CLPTM1L: variants seen among roughly 807,000 people sequenced by gnomAD.
CLPTM1L encodes the protein CLPTM1 like.
CLPTM1L carries 38 observed loss-of-function variants against 70.9 expected under a neutral mutation model. The ratio of observed to expected loss-of-function variants is 0.54; its 90% CI spans 0.41 to 0.70. The LOEUF is 0.70. CLPTM1L is among the 30% of genes least tolerant of loss of function. CLPTM1L has a pLI of 0.00. For missense variants in CLPTM1L, 652 were observed against 705.9 expected (o/e 0.92, Z 0.87); for synonymous variants, 339 against 299.9 (o/e 1.13, Z -1.35).
Position 1,318,374 on chromosome 5 carries a change from C to A in CLPTM1L, c.1612G>T (p.Asp538Tyr), listed in dbSNP as rs1268410430. The part of the protein sequence containing the change: ...EEKATRAPHT[D>Y] ...GGCGGCAGCCCGGGCGGCCTTCAGT[C>A]CGTGTGGGGCGCCCGCGTGGCCTTC... The change falls in exon 17 of 17, where the codon GAC becomes TAC. Residue 538 changes from aspartate to tyrosine, a missense_variant. This residue lies in a region of CLPTM1L where 240 missense variants were observed against 295.0 expected (regional missense o/e 0.81). Transcript: ENST00000320895. The surrounding 1 kb of genome is among the most constrained non-coding windows in gnomAD (Gnocchi z 8.9). 4 of 1,613,444 alleles carry A rather than the reference C, an allele frequency of 2.5e-6. No homozygotes were observed. The Admixed American group carries it at 6.7e-5, about 27-fold the overall frequency.
At chr5:1,334,722 C>T (rs1753446109) in intron 6 of CLPTM1L, among the ~76,000 whole-genome samples, 1 of 152,110 alleles carries the variant, frequency 6.6e-6, no homozygotes, top group Non-Finnish European at 1.5e-5. Flanking sequence ...CCACTGCACT[C>T]CAGCCTGGGC....
rs1214004608 is a variant in CLPTM1L at position 1,317,970 on chromosome 5, T to C, written c.*399A>G. On this transcript the variant is annotated 3_prime_UTR_variant, in exon 17 of 17. Transcript: ENST00000320895. Reference sequence around the variant, plus strand: ...AAAGAGCCTTTGATCCCAGAGTCCATGCGGAATGAATTCCATACGTGTTTG... The same window carrying C: ...AAAGAGCCTTTGATCCCAGAGTCCACGCGGAATGAATTCCATACGTGTTTG... 5.4e-6 allele frequency: 1 copy of C among 185,630 alleles called. No individual in the cohort carries two copies. The highest frequency in any genetic ancestry group is 1.1e-5 in the Non-Finnish European group (1 of 90,702). 11.5% of individuals were successfully genotyped at this position (185,630 alleles called of 1,614,324 possible).
At chr5:1,338,082 C>T (rs778958082) in intron 4 of CLPTM1L, 100 bp from the exon 5 acceptor site, 28 of 906,282 alleles carry the variant, frequency 3.1e-5, no homozygotes, top group Non-Finnish European at 4.5e-5. Context: ...GAAGTGCCCC[C>T]AGCACCACCC....
intron 7 of CLPTM1L, among the ~76,000 whole-genome samples, chr5:1,333,695 C>CA (rs1753337415): frequency 8.5e-5 from 3 of 35,194 alleles, no homozygotes; most frequent in South Asian, 6.1e-4. Flanking sequence ...GTAGACACAC[C>CA]GCAAGAGGAT....
At position 1,341,857 on chromosome 5, in the gene CLPTM1L, T is replaced by G; in HGVS notation, c.267A>C (p.Thr89=). The G allele has an allele frequency of 6.2e-7, 1 of 1,611,382 alleles. No individual in the cohort carries two copies. The highest frequency in any genetic ancestry group is 2.2e-5 in the East Asian group (1 of 44,822). The part of the protein sequence containing the change: ...DFDVESKFER[T]VNVSVPKKTR... ...TTTTCTTTGGTACAGAAACATTAAC[T>G]GTCCTGAAACAGAACAATCATTTCC... is the stretch of plus-strand genomic sequence containing the variant. Residue 89 remains threonine (T), a synonymous_variant, in exon 3 of 17, where the codon ACA becomes ACC. Coordinates refer to ENST00000320895, the MANE Select transcript of CLPTM1L (RefSeq NM_030782.5).
At chr5:1,327,164 G>A (rs1434464715) in intron 9 of CLPTM1L, among the ~76,000 whole-genome samples, 3 of 149,460 alleles carry the variant, frequency 2.0e-5, no homozygotes, top group Non-Finnish European at 4.4e-5. Flanking sequence ...CTCCTCTACA[G>A]GCACATTCCA....
At chr5:1,323,761 C>T (rs1205800899) in intron 12 of CLPTM1L, 26 bp downstream of exon 12, 2 of 1,585,646 alleles carry the variant, frequency 1.3e-6, no homozygotes, top group African/African-American at 2.7e-5. Context: ...AAAGACGCAG[C>T]AGGGGAAGCG....
At chr5:1,331,722 A>G in intron 8 of CLPTM1L, 77 bp downstream of exon 8, 1 of 1,245,188 alleles carries the variant, frequency 8.0e-7, no homozygotes, top group Non-Finnish European at 1.2e-6. Flanking sequence ...GCAGTGAGGC[A>G]GGCAGCCCTC....
chr5:1,325,889 G>GT (rs1188716336), intron 9 of CLPTM1L, 73 bp from the exon 10 acceptor site: 1 of 1,308,052 alleles, frequency 7.6e-7, no homozygotes, highest in African/African-American at 1.5e-5. Flanking sequence ...GACCCAGACA[G>GT]TAACGGGTAG....
At chr5:1,333,725 C>T (rs1329468028) in intron 7 of CLPTM1L, among the ~76,000 whole-genome samples, 1 of 146,064 alleles carries the variant, frequency 6.8e-6, no homozygotes, top group South Asian at 2.1e-4. Context: ...CTACTGTATA[C>T]ACACCGGATG....
chr5:1,338,774 G>C, intron 4 of CLPTM1L, 86 bp downstream of exon 4: 4 of 1,530,052 alleles, frequency 2.6e-6, no homozygotes, highest in Non-Finnish European at 3.6e-6. Context: ...GGACTCCACG[G>C]TGCAGGAGTG....
chr5:1,333,577 G>T (rs1467905775), intron 7 of CLPTM1L, among the ~76,000 whole-genome samples: 1 of 23,534 alleles, frequency 4.2e-5, no homozygotes, highest in Non-Finnish European at 7.8e-5. Flanking sequence ...GATAAGGGGA[G>T]ACTACTGTAT....
At chr5:1,335,520 A>G (rs1167388338) in intron 5 of CLPTM1L, among the ~76,000 whole-genome samples, 2 of 152,226 alleles carry the variant, frequency 1.3e-5, no homozygotes, top group Non-Finnish European at 2.9e-5. Context: ...CTAGGACTCC[A>G]TGGCGCAGCA....
At chr5:1,344,512 C>T in intron 1 of CLPTM1L, 61 bp from the exon 2 acceptor site, 1 of 1,529,636 alleles carries the variant, frequency 6.5e-7, no homozygotes, top group Non-Finnish European at 9.0e-7. Context: ...GCACTCAAAT[C>T]CCACGGCCAG....
rs1359682619 is a variant in CLPTM1L at position 1,322,869 on chromosome 5, G to T, written c.1315+8C>A. On this transcript the variant is annotated splice_region_variant and intron_variant, in intron 13 of 16. Transcript: ENST00000320895. Reference sequence around the variant, plus strand: ...CTAGTACTGAAGCAGGGAAGCACATGGACTCACCGTTGACGAAGCTGTTGA... The same window carrying T: ...CTAGTACTGAAGCAGGGAAGCACATTGACTCACCGTTGACGAAGCTGTTGA... 2 of 1,613,628 alleles carry T rather than the reference G, an allele frequency of 1.2e-6. No homozygotes were observed.
chr5:1,343,445 G>A (rs1754074072), intron 2 of CLPTM1L, among the ~76,000 whole-genome samples: 1 of 152,222 alleles, frequency 6.6e-6, no homozygotes, highest in South Asian at 2.1e-4. Context: ...AACCTCACTA[G>A]CTGTCCTTGG....
At chr5:1,328,445 A>C (rs1284550559) in intron 9 of CLPTM1L, among the ~76,000 whole-genome samples, 1 of 148,072 alleles carries the variant, frequency 6.8e-6, no homozygotes, top group East Asian at 2.0e-4. Flanking sequence ...CTCTACAGAC[A>C]CATTTCATCC....
rs1751932082 is a variant in CLPTM1L at position 1,318,058 on chromosome 5, G to A, written c.*311C>T. 2.2e-5 allele frequency: 8 copies of A among 366,740 alleles called. No individual in the cohort carries two copies. Among genetic ancestry groups the A allele is most frequent in the Non-Finnish European group, 3.9e-5 (8 of 204,726 alleles). The allele number at this position is 366,740 out of a possible 1,614,324, so 22.7% of individuals were successfully genotyped here. ...TGGAAATCCAACAGCCCCCTTGCCTGTGAGGGCTCCCACCCCTGCCCGCGT... is the reference window on the plus strand; with the variant it reads ...TGGAAATCCAACAGCCCCCTTGCCTATGAGGGCTCCCACCCCTGCCCGCGT... On this transcript the variant is annotated 3_prime_UTR_variant, in exon 17 of 17. Transcript: ENST00000320895. The surrounding 1 kb of genome is among the most constrained non-coding windows in gnomAD (Gnocchi z 8.9).
intron 16 of CLPTM1L, among the ~76,000 whole-genome samples, chr5:1,319,285 T>G (rs939120308): frequency 1.5e-5 from 2 of 137,828 alleles, no homozygotes; most frequent in African/African-American, 5.5e-5. Flanking sequence ...GAGTGTTGCT[T>G]ATGGTGAAAT....
Sources: gnomAD v4.1 joint callset for allele counts (sites outside exome capture counted in the v4.1 genomes callset) on GRCh38, gnomAD v4.1.1 for gene constraint, gnomAD v4.1.1 regional missense constraint, Gnocchi (gnomAD v3.1) non-coding constraint, MANE v1.5 for transcripts, NCBI Gene and HGNC (gene_info 2026-07-23, HGNC 2026-07-21) for gene names.